Variants in IGF1R observed in about 807,000 individuals in gnomAD.
The protein encoded by IGF1R is insulin like growth factor 1 receptor.
In IGF1R, 44 loss-of-function variants were observed where a neutral mutation model predicts 144.6. The observed-to-expected ratio is 0.30, with a 90% CI of 0.24 to 0.39. The LOEUF (loss-of-function observed/expected upper bound fraction) is 0.39, where lower values mean the gene tolerates loss of function less well. Ranked by LOEUF, IGF1R falls within the 10% of genes least tolerant of loss-of-function variation. The pLI, the probability that IGF1R is intolerant of heterozygous loss-of-function variation, is 1.00. For synonymous variants in IGF1R, 795 were observed against 722.8 expected (o/e 1.10, Z -1.60); for missense variants, 1,355 against 1,833.7 (o/e 0.74, Z 4.77).
At chr15:98,925,308 T>C (rs922823723) in intron 13 of IGF1R, among the ~76,000 whole-genome samples, 1 of 152,256 alleles carries the variant, frequency 6.6e-6, no homozygotes, top group African/African-American at 2.4e-5. Context: ...TAGGCTGTTC[T>C]GTGTGATGAC....
chr15:98,733,032 T>C (rs2141299578), intron 2 of IGF1R, among the ~76,000 whole-genome samples: 1 of 152,264 alleles, frequency 6.6e-6, no homozygotes, highest in East Asian at 1.9e-4. Context: ...GTTTGTCTTT[T>C]AGATTCTATA....
intron 2 of IGF1R, among the ~76,000 whole-genome samples, chr15:98,813,062 C>T (rs2056625496): frequency 6.6e-6 from 1 of 152,234 alleles, no homozygotes; most frequent in South Asian, 2.1e-4. Flanking sequence ...GCGAGGCTTA[C>T]TTCCTGGGGC....
rs139579495 is a variant in IGF1R at position 98,689,064 on chromosome 15, A to G, written c.95-18498A>G. On this transcript the variant is annotated intron_variant, in intron 1 of 20. Transcript: ENST00000650285. The stretch of plus-strand genomic sequence containing the variant: ...AAATTAAATCACTCTGCAAAAATCA[A>G]TGTTAGTGAAATTAAATCACTTGAT... Among the ~76,000 whole-genome samples, 199 of 152,196 alleles carry G rather than the reference A, an allele frequency of 1.3e-3. 1 individual carries two copies. The highest frequency in any genetic ancestry group is 4.0e-3 in the African/African-American group (168 of 41,528).
At position 98,649,261 on chromosome 15, in the gene IGF1R, T is replaced by A. The variant is rs1259081355; in HGVS notation, c.-321T>A. On this transcript the variant is annotated 5_prime_UTR_variant, in exon 1 of 21. Coordinates refer to ENST00000650285, the MANE Select transcript of IGF1R (RefSeq NM_000875.5). ...CCCTTTCTTTGCAGTTTTCCCCCCTTCCTGCCTCTCCGGGTTTGAAAATGG... is the reference window on the plus strand; with the variant it reads ...CCCTTTCTTTGCAGTTTTCCCCCCTACCTGCCTCTCCGGGTTTGAAAATGG... 4.7e-6 allele frequency: 1 copy of A among 213,932 alleles called. No individual in the cohort carries two copies. Among genetic ancestry groups the A allele is most frequent in the Non-Finnish European group, 9.4e-6 (1 of 106,254 alleles). The allele number at this position is 213,932 out of a possible 1,614,324, so 13.3% of individuals were successfully genotyped here.
At chr15:98,880,581 C>G (rs1165677084) in intron 2 of IGF1R, 1 of 152,174 alleles carries the variant, frequency 6.6e-6, no homozygotes, top group Non-Finnish European at 1.5e-5. Flanking sequence ...TTCTGTGAGC[C>G]TTGATTATAT....
At chr15:98,928,088 C>T (rs547947848) in intron 13 of IGF1R, among the ~76,000 whole-genome samples, 26 of 152,188 alleles carry the variant, frequency 1.7e-4, no homozygotes, top group African/African-American at 6.0e-4. Flanking sequence ...TTTTTCATTC[C>T]AACCCAAGCC....
chr15:98,725,717 C>T lies in IGF1R; in HGVS notation c.640+17610C>T, dbSNP rs193094395. On this transcript the variant is annotated intron_variant, in intron 2 of 20. Transcript: ENST00000650285. ...TCTGTTTTCATGCTGCTGATAAAGA[C>T]GTACCCAAGACTGTGAAGAAAAAGA... Among the ~76,000 whole-genome samples the T allele has an allele frequency of 1.2e-4, 19 of 152,330 alleles. No homozygotes were observed. The South Asian group carries it at 1.7e-3, about 13-fold the overall frequency.
chr15:98,703,329 G>A (rs2053781760), intron 1 of IGF1R, among the ~76,000 whole-genome samples: 1 of 152,168 alleles, frequency 6.6e-6, no homozygotes, highest in South Asian at 2.1e-4. Flanking sequence ...TGTGTTTACT[G>A]TTTACTCCCT....
intron 2 of IGF1R, chr15:98,734,767 TATA>T (rs2054574012): frequency 6.6e-6 from 1 of 152,232 alleles, no homozygotes; most frequent in Non-Finnish European, 1.5e-5. Context: ...ACTTCCTATT[TATA>T]ATGTCTTTGG....
chr15:98,675,991 A>AT (rs764450843), intron 1 of IGF1R, among the ~76,000 whole-genome samples: 2 of 150,770 alleles, frequency 1.3e-5, no homozygotes, highest in East Asian at 2.0e-4. Context: ...ACGCCTGGCT[A>AT]TTTTTTTATT....
chr15:98,921,568 G>A (rs573517192), intron 10 of IGF1R, among the ~76,000 whole-genome samples: 32 of 152,220 alleles, frequency 2.1e-4, no homozygotes, highest in African/African-American at 7.0e-4. Flanking sequence ...GGTTGGGGGT[G>A]GGCTCGCAGC....
intron 2 of IGF1R, among the ~76,000 whole-genome samples, chr15:98,767,002 G>A (rs1260478379): frequency 6.6e-6 from 1 of 152,108 alleles, no homozygotes; most frequent in Non-Finnish European, 1.5e-5. Context: ...GACCAAGGGT[G>A]CCTTTCCCCT....
Position 98,870,490 on chromosome 15 carries a change from C to T in IGF1R, c.641-20835C>T, listed in dbSNP as rs74034261. Reference sequence around the variant, plus strand: ...GTCCAGAGTGCAAGGAGGCATAAGCCAGGCAGGTGGAACAGCGTGTGTGAA... The same window carrying T: ...GTCCAGAGTGCAAGGAGGCATAAGCTAGGCAGGTGGAACAGCGTGTGTGAA... On this transcript the variant is annotated intron_variant, in intron 2 of 20. Coordinates refer to ENST00000650285, the MANE Select transcript of IGF1R (RefSeq NM_000875.5). Among the ~76,000 whole-genome samples the T allele has an allele frequency of 9.4e-3, 1,430 of 152,268 alleles. 18 individuals are homozygous for T. Among genetic ancestry groups the T allele is most frequent in the African/African-American group, 0.031 (1,304 of 41,542 alleles).
At chr15:98,953,235 C>T (rs2016846748) in intron 20 of IGF1R, 1 of 152,180 alleles carries the variant, frequency 6.6e-6, no homozygotes, top group South Asian at 2.1e-4. Flanking sequence ...TAGCCAGATT[C>T]TCACCCCTCA....
At chr15:98,740,203 A>G (rs1415505674) in intron 2 of IGF1R, among the ~76,000 whole-genome samples, 5 of 152,296 alleles carry the variant, frequency 3.3e-5, no homozygotes, top group Admixed American at 2.0e-4. Flanking sequence ...GCATTCCTTC[A>G]TTTGTTTTGC....
chr15:98,869,499 A>T (rs1596377878), intron 2 of IGF1R, among the ~76,000 whole-genome samples: 1 of 148,272 alleles, frequency 6.7e-6, no homozygotes, highest in East Asian at 2.0e-4. Context: ...CAATGGCACG[A>T]TCTCCGGCTC....
intron 2 of IGF1R, among the ~76,000 whole-genome samples, chr15:98,849,416 A>C (rs1043854178): frequency 2.0e-5 from 3 of 152,242 alleles, no homozygotes; most frequent in Admixed American, 6.5e-5. Flanking sequence ...GCTAGACTCC[A>C]AGTGAATCCA....
At position 98,961,152 on chromosome 15, in the gene IGF1R, AAT is replaced by A; in HGVS notation, c.*3712_*3713del. ...CCCGGGGATCTTAAGGTCATTGAGA[AAT>A]ACTGTTGGATCAGGGTTTTGTTCTT... On this transcript the variant is annotated 3_prime_UTR_variant, in exon 21 of 21. Transcript: ENST00000650285. The A allele has an allele frequency of 4.3e-6, 1 of 233,554 alleles. No homozygotes were observed. Among genetic ancestry groups the A allele is most frequent in the African/African-American group, 2.2e-5 (1 of 45,454 alleles). 14.5% of individuals were successfully genotyped at this position (233,554 alleles called of 1,614,324 possible).
intron 1 of IGF1R, among the ~76,000 whole-genome samples, chr15:98,654,758 T>A (rs908906677): frequency 1.8e-4 from 27 of 152,130 alleles, no homozygotes; most frequent in African/African-American, 6.0e-4. Flanking sequence ...TCTTCTCAAT[T>A]GTACTAAATA....
Sources: gnomAD v4.1 joint callset for allele counts (sites outside exome capture counted in the v4.1 genomes callset) on GRCh38, gnomAD v4.1.1 for gene constraint, MANE v1.5 for transcripts, NCBI Gene and HGNC (gene_info 2026-07-23, HGNC 2026-07-21) for gene names.